Variants in CDH2 observed in about 807,000 individuals in gnomAD.
CDH2 encodes cadherin 2.
In CDH2, 17 loss-of-function variants were observed where a neutral mutation model predicts 92.0. That is an observed-to-expected ratio of 0.18 (90% CI 0.13 to 0.28). CDH2 has a LOEUF of 0.28. Ranked by LOEUF, CDH2 falls within the 10% of genes least tolerant of loss-of-function variation. The probability of loss-of-function intolerance (pLI) is 1.00; values close to 1 mark genes in which losing one functional copy is unlikely to be tolerated. For missense variants in CDH2, 862 were observed against 1,133.1 expected (o/e 0.76, Z 3.44); for synonymous variants, 419 against 415.9 (o/e 1.01, Z -0.09).
At chr18:28,083,862 G>A (rs45469493) in intron 2 of CDH2, among the ~76,000 whole-genome samples, 1 of 152,180 alleles carries the variant, frequency 6.6e-6, no homozygotes, top group Non-Finnish European at 1.5e-5. Flanking sequence ...AAACACTATG[G>A]TGGCTTGTGA....
intron 2 of CDH2, among the ~76,000 whole-genome samples, chr18:28,014,237 C>T (rs1002009973): frequency 2.0e-5 from 3 of 152,026 alleles, no homozygotes; most frequent in African/African-American, 4.8e-5. Context: ...TACAAACTTC[C>T]ACTCACTCTT....
intron 2 of CDH2, among the ~76,000 whole-genome samples, chr18:28,135,754 A>G (rs1380207658): frequency 6.6e-6 from 1 of 152,184 alleles, no homozygotes; most frequent in Non-Finnish European, 1.5e-5. Flanking sequence ...CTCACAAAGA[A>G]ATTAGGAGGA....
chr18:28,134,187 T>C (rs1448799410), intron 2 of CDH2, among the ~76,000 whole-genome samples: 1 of 148,416 alleles, frequency 6.7e-6, no homozygotes, highest in Non-Finnish European at 1.5e-5. Context: ...GAAGAATCAC[T>C]TGAACCCAGG....
At chr18:28,117,473 TC>T (rs1286049962) in intron 2 of CDH2, among the ~76,000 whole-genome samples, 2 of 152,024 alleles carry the variant, frequency 1.3e-5, no homozygotes, top group Admixed American at 1.3e-4. Context: ...TTTTAAGTGC[TC>T]CTACAATACA....
intron 2 of CDH2, among the ~76,000 whole-genome samples, chr18:28,032,898 T>C (rs903515688): frequency 6.6e-6 from 1 of 152,060 alleles, no homozygotes; most frequent in African/African-American, 2.4e-5. Flanking sequence ...ATCTACCATT[T>C]ACAGTGAGTA....
At chr18:27,950,593 G>A (rs997396537), downstream of CDH2, among the ~76,000 whole-genome samples, 1 of 152,110 alleles carries the variant, frequency 6.6e-6, no homozygotes, top group African/African-American at 2.4e-5. Context: ...CTTTACTGAA[G>A]TTTCCCTTAT....
intron 7 of CDH2, among the ~76,000 whole-genome samples, chr18:27,998,963 T>C (rs2012676525): frequency 6.6e-6 from 1 of 152,166 alleles, no homozygotes; most frequent in African/African-American, 2.4e-5. Context: ...TTCAGGGTAA[T>C]GAGACAAGGA....
At chr18:28,171,674 G>A (rs932445250) in intron 1 of CDH2, among the ~76,000 whole-genome samples, 1 of 151,978 alleles carries the variant, frequency 6.6e-6, no homozygotes, top group South Asian at 2.1e-4. Flanking sequence ...TTACATTTTC[G>A]GCTGAAAAAA....
At chr18:27,994,395 C>T (rs1406071347) in intron 7 of CDH2, among the ~76,000 whole-genome samples, 2 of 152,154 alleles carry the variant, frequency 1.3e-5, no homozygotes, top group Admixed American at 6.5e-5. Flanking sequence ...ATTAGACAGG[C>T]ATCCACTACT....
chr18:28,091,444 T>C (rs185649689), intron 2 of CDH2, among the ~76,000 whole-genome samples: 3 of 152,322 alleles, frequency 2.0e-5, no homozygotes, highest in Admixed American at 1.3e-4. Flanking sequence ...TATTTCACAA[T>C]TCTCTCTGTA....
chr18:28,093,849 G>C (rs1381162970), intron 2 of CDH2, among the ~76,000 whole-genome samples: 4 of 152,156 alleles, frequency 2.6e-5, no homozygotes, highest in Non-Finnish European at 5.9e-5. Flanking sequence ...TTTAAAAAGT[G>C]AAGAGCATAC....
chr18:28,001,313 T>A (rs899358756), intron 7 of CDH2, among the ~76,000 whole-genome samples: 4 of 152,212 alleles, frequency 2.6e-5, no homozygotes, highest in Non-Finnish European at 5.9e-5. Flanking sequence ...CCATGCCTCT[T>A]TCTTTCCATA....
At chr18:28,046,651 C>A (rs2014082880) in intron 2 of CDH2, among the ~76,000 whole-genome samples, 1 of 152,034 alleles carries the variant, frequency 6.6e-6, no homozygotes, top group Non-Finnish European at 1.5e-5. Flanking sequence ...TTGTCACAGA[C>A]CTGAATAAAA....
intron 14 of CDH2, among the ~76,000 whole-genome samples, chr18:27,979,129 T>C (rs766285654): frequency 3.9e-5 from 6 of 152,102 alleles, no homozygotes; most frequent in Non-Finnish European, 7.3e-5. Flanking sequence ...AAGGAACACA[T>C]ATCTATAATC....
rs560995794 is a variant in CDH2 at position 28,083,943 on chromosome 18, C to T, written c.172+63730G>A. Reference sequence around the variant, plus strand: ...TATTTTGGTTTAATGAGTTCTACCTCTCTCTGAGCTCAGTGGACAGCAATT... The same window carrying T: ...TATTTTGGTTTAATGAGTTCTACCTTTCTCTGAGCTCAGTGGACAGCAATT... On this transcript the variant is annotated intron_variant, in intron 2 of 15. Coordinates refer to ENST00000269141, the MANE Select transcript of CDH2 (RefSeq NM_001792.5). Among the ~76,000 whole-genome samples, 12 of 152,250 alleles carry T rather than the reference C, an allele frequency of 7.9e-5. No individual in the cohort carries two copies. In the South Asian group the frequency reaches 2.5e-3, roughly 32 times the overall value.
intron 2 of CDH2, among the ~76,000 whole-genome samples, chr18:28,048,453 T>C (rs2014124233): frequency 6.6e-6 from 1 of 152,188 alleles, no homozygotes; most frequent in Non-Finnish European, 1.5e-5. Flanking sequence ...TGCAAAAATG[T>C]ACCTCACAAG....
intron 1 of CDH2, among the ~76,000 whole-genome samples, chr18:28,165,249 C>T (rs936369396): frequency 1.3e-5 from 2 of 152,112 alleles, no homozygotes; most frequent in African/African-American, 4.8e-5. Flanking sequence ...GTGGTGTGAT[C>T]ACAGCTCACT....
intron 2 of CDH2, among the ~76,000 whole-genome samples, chr18:28,129,756 G>A (rs1162324543): frequency 9.2e-5 from 14 of 152,162 alleles, no homozygotes; most frequent in Admixed American, 8.5e-4. Flanking sequence ...TTGAGCTCAG[G>A]AGGCTGCAGC....
At chr18:28,113,593 G>A (rs1599110341) in intron 2 of CDH2, among the ~76,000 whole-genome samples, 1 of 151,952 alleles carries the variant, frequency 6.6e-6, no homozygotes, top group East Asian at 1.9e-4. Flanking sequence ...AAATAAGAAT[G>A]ATTTGGATTT....
Sources: gnomAD v4.1 joint callset for allele counts (sites outside exome capture counted in the v4.1 genomes callset) on GRCh38, gnomAD v4.1.1 for gene constraint, MANE v1.5 for transcripts, NCBI Gene and HGNC (gene_info 2026-07-23, HGNC 2026-07-21) for gene names.